LARGE1: variants seen among roughly 807,000 people sequenced by gnomAD.
The protein encoded by LARGE1 is LARGE xylosyl- and glucuronyltransferase 1.
A neutral mutation model predicts 87.6 loss-of-function variants in LARGE1; 43 were observed. The observed-to-expected ratio is 0.49, with a 90% CI of 0.38 to 0.63. The LOEUF (loss-of-function observed/expected upper bound fraction) is 0.63, where lower values mean the gene tolerates loss of function less well. Among genes scored for constraint, LARGE1 ranks in the 30% least tolerant of loss-of-function variants. The probability of loss-of-function intolerance (pLI) is 0.00; values close to 1 mark genes in which losing one functional copy is unlikely to be tolerated. For missense variants in LARGE1, 802 were observed against 1,000.2 expected, an observed-to-expected ratio of 0.80 and a Z score of 2.67; for synonymous variants, 434 against 394.6, an observed-to-expected ratio of 1.10 and a Z score of -1.18.
At chr22:33,300,570 C>T (rs1401435305) in intron 12 of LARGE1, among the ~76,000 whole-genome samples, 1 of 152,010 alleles carries the variant, frequency 6.6e-6, no homozygotes, top group East Asian at 1.9e-4. Context: ...GAGATGGAGT[C>T]TCACTCTGTT....
At chr22:33,299,202 G>A (rs1290147848) in intron 12 of LARGE1, among the ~76,000 whole-genome samples, 3 of 151,734 alleles carry the variant, frequency 2.0e-5, no homozygotes, top group African/African-American at 7.3e-5. Context: ...AACAGAGTGA[G>A]AGAGAGAGAG....
At chr22:33,665,981 TAA>T (rs3216424) in intron 2 of LARGE1, among the ~76,000 whole-genome samples, 2 of 147,050 alleles carry the variant, frequency 1.4e-5, no homozygotes, top group South Asian at 2.2e-4. Flanking sequence ...AAAAAGAAGT[TAA>T]AAAAAAAAAG....
chr22:33,486,049 T>C (rs970343006), intron 6 of LARGE1, among the ~76,000 whole-genome samples: 3 of 152,176 alleles, frequency 2.0e-5, no homozygotes, highest in African/African-American at 4.8e-5. Flanking sequence ...CTCAGGACAA[T>C]GGCCTTGCAG....
intron 5 of LARGE1, among the ~76,000 whole-genome samples, chr22:33,591,555 T>C (rs886619177): frequency 2.6e-5 from 4 of 152,222 alleles, no homozygotes; most frequent in Non-Finnish European, 4.4e-5. Context: ...GATACAAATC[T>C]TTCATCAGAT....
chr22:33,297,754 C>T (rs1444085029), intron 12 of LARGE1, among the ~76,000 whole-genome samples: 5 of 151,682 alleles, frequency 3.3e-5, no homozygotes, highest in Admixed American at 2.6e-4. Flanking sequence ...CCGAGGTGGG[C>T]GGATCACCTG....
intron 11 of LARGE1, among the ~76,000 whole-genome samples, chr22:33,223,952 C>T (rs1925587515): frequency 6.6e-6 from 1 of 152,212 alleles, no homozygotes; most frequent in African/African-American, 2.4e-5. Context: ...CTCACAGCCA[C>T]CTCTATGCCC....
intron 2 of LARGE1, chr22:33,744,306 A>G (rs2083998878): frequency 6.6e-6 from 1 of 152,208 alleles, no homozygotes; most frequent in African/African-American, 2.4e-5. Flanking sequence ...AAGGCAAGAG[A>G]CAAGCCCACG....
chr22:33,751,498 C>T (rs936512537), intron 2 of LARGE1, among the ~76,000 whole-genome samples: 2 of 148,416 alleles, frequency 1.3e-5, no homozygotes, highest in East Asian at 3.9e-4. Flanking sequence ...AAAAAAAAAA[C>T]AAAAACAAAC....
At chr22:33,711,499 T>C (rs1245675958) in intron 2 of LARGE1, among the ~76,000 whole-genome samples, 2 of 152,218 alleles carry the variant, frequency 1.3e-5, no homozygotes, top group East Asian at 3.8e-4. Context: ...GGAGAGAAGT[T>C]AGGTGAGCTG....
chr22:33,136,791 G>C, the LARGE1 span, among the ~76,000 whole-genome samples: 1 of 152,154 alleles, frequency 6.6e-6, no homozygotes, highest in African/African-American at 2.4e-5. Flanking sequence ...CTTGGGACAT[G>C]TGATCCAGGG....
intron 9 of LARGE1, among the ~76,000 whole-genome samples, chr22:33,348,280 A>G (rs113145963): frequency 9.9e-6 from 1 of 100,864 alleles, no homozygotes. Flanking sequence ...TCCCCCACCC[A>G]CCCCCCCCCA....
chr22:33,422,648 C>T (rs914441101), intron 7 of LARGE1, among the ~76,000 whole-genome samples: 11 of 151,930 alleles, frequency 7.2e-5, no homozygotes, highest in South Asian at 2.1e-4. Flanking sequence ...TGGTTGGGAT[C>T]ACAGGTGCAT....
intron 11 of LARGE1, among the ~76,000 whole-genome samples, chr22:33,209,710 A>C (rs1461594622): frequency 6.6e-6 from 1 of 152,160 alleles, no homozygotes; most frequent in African/African-American, 2.4e-5. Context: ...CCATGGTGTA[A>C]TCACAGCTCA....
At chr22:33,388,373 C>T (rs2065400782) in intron 7 of LARGE1, among the ~76,000 whole-genome samples, 1 of 152,224 alleles carries the variant, frequency 6.6e-6, no homozygotes, top group South Asian at 2.1e-4. Context: ...GAAACATCTT[C>T]AACTACTCCA....
At chr22:33,557,680 C>G (rs1228118050) in intron 6 of LARGE1, among the ~76,000 whole-genome samples, 2 of 152,160 alleles carry the variant, frequency 1.3e-5, no homozygotes, top group Non-Finnish European at 2.9e-5. Context: ...ATTCTCCTGC[C>G]TCAGCCTCCC....
At chr22:33,732,620 A>G (rs2083511246) in intron 2 of LARGE1, 1 of 152,326 alleles carries the variant, frequency 6.6e-6, no homozygotes. Flanking sequence ...ACCAGACACC[A>G]GAGTCTGTGT....
chr22:33,676,076 T>C (rs984165056), intron 2 of LARGE1, among the ~76,000 whole-genome samples: 26 of 151,978 alleles, frequency 1.7e-4, no homozygotes, highest in Non-Finnish European at 1.5e-5. Context: ...TTAAAAGCAC[T>C]AGCAGTACAA....
chr22:33,601,728 T>C (rs1209104314), intron 5 of LARGE1, among the ~76,000 whole-genome samples: 3 of 152,194 alleles, frequency 2.0e-5, no homozygotes. Flanking sequence ...AAGTCTTCGA[T>C]AGTAGACATC....
chr22:33,118,439 C>A, the LARGE1 span, among the ~76,000 whole-genome samples: 1 of 151,316 alleles, frequency 6.6e-6, no homozygotes, highest in African/African-American at 2.4e-5. Flanking sequence ...CTGCAGTGAG[C>A]CATGATCATG....
Sources: allele counts gnomAD v4.1 joint callset (sites outside exome capture counted in the v4.1 genomes callset), GRCh38; gene constraint gnomAD v4.1.1; transcripts MANE v1.5; gene names NCBI Gene and HGNC (gene_info 2026-07-23, HGNC 2026-07-21).